ALG1L2: variants seen among roughly 807,000 people sequenced by gnomAD.
ALG1L2 encodes the protein putative glycosyltransferase ALG1L2.
In ALG1L2, 32 loss-of-function variants were observed where a neutral mutation model predicts 29.0. The ratio of observed to expected loss-of-function variants is 1.10; its 90% confidence interval spans 0.83 to 1.48. The LOEUF (loss-of-function observed/expected upper bound fraction) is 1.48, where lower values mean the gene tolerates loss of function less well. ALG1L2 is among the 40% of genes most tolerant of loss of function. The pLI is 0.00. For missense variants in ALG1L2, 318 were observed against 274.1 expected (o/e 1.16, Z -1.13); for synonymous variants, 110 against 109.5 (o/e 1.00, Z -0.03).
intron 1 of ALG1L2, among the ~76,000 whole-genome samples, chr3:130,087,981 C>T (rs778219061): frequency 6.6e-6 from 1 of 152,302 alleles, no homozygotes; most frequent in South Asian, 2.1e-4. Context: ...GCCAGCTTAG[C>T]CTTTAGTGTC....
rs758727218 is a variant in ALG1L2, at chr3:130,091,307, C to T, written c.67C>T (p.Pro23Ser). ...GCCGGCATCTTTCTTTAAAGAGGCA[C>T]CTCTGGACCTGCAGCACCGGCTCTT... is the stretch of plus-strand genomic sequence containing the variant. ...DKPASFFKEA[P>S]LDLQHRLFMK... Residue 23 changes from proline (P) to serine (S), a missense_variant, in exon 2 of 8, where the codon CCT (proline) becomes TCT (serine). Pro to Ser is a moderately conservative substitution (Grantham distance 74). Coordinates refer to ENST00000425059, the MANE Select transcript of ALG1L2 (RefSeq NM_001136152.1). 5.8e-5 allele frequency: 92 copies of T among 1,598,926 alleles called. No individual in the cohort carries two copies. Among genetic ancestry groups the T allele is most frequent in the Non-Finnish European group, 7.5e-5 (89 of 1,179,778 alleles).
chr3:130,093,677 G>T (rs1302830494), intron 4 of ALG1L2, among the ~76,000 whole-genome samples: 1 of 152,090 alleles, frequency 6.6e-6, no homozygotes, highest in Admixed American at 6.5e-5. Context: ...ACCCGCCTTG[G>T]CCTCCCAATA....
chr3:130,097,040 C>T (rs552453474), intron 6 of ALG1L2, 135 bp from the exon 7 acceptor site: 2 of 1,462,210 alleles, frequency 1.4e-6, no homozygotes, highest in Non-Finnish European at 1.8e-6. Flanking sequence ...CTAAGAACCA[C>T]CTCCCAGAAG....
rs1301405988 is a variant in ALG1L2 at position 130,097,236 on chromosome 3, G to A, written c.601G>A (p.Ala201Thr). 1 of 1,610,034 alleles carries A rather than the reference G, an allele frequency of 6.2e-7. No individual in the cohort carries two copies. Among genetic ancestry groups the A allele is most frequent in the Non-Finnish European group, 8.5e-7 (1 of 1,179,834 alleles). Residue 201 changes from alanine to threonine, a missense_variant, in exon 7 of 8, where the codon GCA becomes ACA. Coordinates refer to ENST00000425059, the MANE Select transcript of ALG1L2 (RefSeq NM_001136152.1). Reference sequence around the variant, plus strand: ...GGTCTTTGAGGACTCAGAGGAACTGGCAGCTCAGCTGCAGGTAGCCATGTC... The same window carrying A: ...GGTCTTTGAGGACTCAGAGGAACTGACAGCTCAGCTGCAGGTAGCCATGTC... The part of the protein sequence containing the change: ...RLVFEDSEEL[A>T]AQLQYFADAF...
chr3:130,090,184 C>T (rs145512265), intron 1 of ALG1L2, among the ~76,000 whole-genome samples: 1,368 of 152,274 alleles, frequency 9.0e-3, no homozygotes, highest in African/African-American at 0.031. Flanking sequence ...GGTGAAATCC[C>T]GTCCCTACTA....
At position 130,098,237 on chromosome 3, in the gene ALG1L2, T is replaced by A. The variant is rs1485562831; in HGVS notation, c.630T>A (p.Ala210=). 6.3e-7 allele frequency: 1 copy of A among 1,596,442 alleles called. No individual in the cohort carries two copies. Among genetic ancestry groups the A allele is most frequent in the Non-Finnish European group, 8.5e-7 (1 of 1,179,760 alleles). Residue 210 remains alanine, a synonymous_variant, in exon 8 of 8, where the codon GCT becomes GCA. Transcript: ENST00000425059. ...LAAQLQYFAD[A]FLKLS is the part of the protein sequence containing the mutation. ...CTGCTCTTCAGTATTTTGCAGATGC[T>A]TTTCTCAAACTTTCCTGATCCTGAA...
rs749558373 is a variant in ALG1L2, at chr3:130,093,142, C to T, written c.295C>T (p.Leu99Phe). 5 of 1,610,646 alleles carry T rather than the reference C, an allele frequency of 3.1e-6. No homozygotes were observed. The highest frequency in any genetic ancestry group is 3.3e-5 in the Admixed American group (2 of 59,914). ...TCTTGACGGACAGAACCTTCCTTCT[C>T]TCGTCTGTGTGATAACAGGTACTGC... The part of the protein sequence containing the change: ...LTLDGQNLPS[L>F]VCVITGKGPL... Residue 99 changes from leucine to phenylalanine, a missense_variant, in exon 4 of 8, where the codon CTC becomes TTC. Coordinates refer to ENST00000425059, the MANE Select transcript of ALG1L2 (RefSeq NM_001136152.1).
chr3:130,085,926 A>G (rs1449739622), intron 1 of ALG1L2, among the ~76,000 whole-genome samples: 1 of 151,480 alleles, frequency 6.6e-6, no homozygotes, highest in African/African-American at 2.4e-5. Flanking sequence ...GGGAACAAAG[A>G]TGAGGGAGTG....
chr3:130,094,492 C>T lies in ALG1L2; in HGVS notation c.403C>T (p.Arg135Ter), dbSNP rs757397608. The T allele has an allele frequency of 1.2e-5, 19 of 1,594,598 alleles. No homozygotes were observed. The highest frequency in any genetic ancestry group is 1.0e-4 in the Admixed American group (6 of 59,862). ...GGTCTGCATCCCCTGGCTGGAGGGC[C>T]GAGGACTACCCCCGCTTCTAGGTGA... ...IQVCIPWLEG[R>*]GLPPLLGSVD... is the part of the protein sequence containing the mutation. Residue 135 changes from arginine (R) to a stop codon, truncating the protein, a stop_gained, in exon 5 of 8, where the codon CGA becomes TGA. Coordinates refer to ENST00000425059, the MANE Select transcript of ALG1L2 (RefSeq NM_001136152.1). LOFTEE classifies it high-confidence loss of function.
intron 5 of ALG1L2, 71 bp from the exon 6 acceptor site, chr3:130,095,978 C>A: frequency 1.3e-6 from 2 of 1,483,168 alleles, no homozygotes; most frequent in South Asian, 1.2e-5. Flanking sequence ...GGTGTTGCCT[C>A]ACTGTGCTGG....
At chr3:130,086,568 T>G (rs79188189) in intron 1 of ALG1L2, among the ~76,000 whole-genome samples, 2 of 147,620 alleles carry the variant, frequency 1.4e-5, no homozygotes, top group Non-Finnish European at 3.0e-5. Context: ...TCCCAGCTAC[T>G]CAGGAGGCTA....
Position 130,082,007 on chromosome 3 carries a change from C to T in ALG1L2, c.-10C>T, listed in dbSNP as rs1934795259. On this transcript the variant is annotated 5_prime_UTR_variant, in exon 1 of 8. Transcript: ENST00000425059. ...CTTGCTAAGAAGTCTGAATTTTAAC[C>T]TGAAGGGACATGGGAGCTACTGCAG... The T allele has an allele frequency of 6.7e-7, 1 of 1,501,754 alleles. No individual in the cohort carries two copies. Among genetic ancestry groups the T allele is most frequent in the African/African-American group, 1.4e-5 (1 of 72,762 alleles). 93.0% of individuals were successfully genotyped at this position (1,501,754 alleles called of 1,614,324 possible).
chr3:130,093,777 C>T (rs1935069545), intron 4 of ALG1L2: 1 of 155,584 alleles, frequency 6.4e-6, no homozygotes, highest in African/African-American at 2.4e-5. Context: ...AGAAGAGCCC[C>T]TGTCCCAGTT....
At chr3:130,082,934 G>A (rs1442775257) in intron 1 of ALG1L2, among the ~76,000 whole-genome samples, 4 of 139,616 alleles carry the variant, frequency 2.9e-5, no homozygotes, top group Non-Finnish European at 4.9e-5. Context: ...CAAGTCAATG[G>A]CATTCTAAGA....
chr3:130,096,104 C>A lies in ALG1L2; in HGVS notation c.480C>A (p.Pro160=), dbSNP rs750069609. 1 of 1,611,890 alleles carries A rather than the reference C, an allele frequency of 6.2e-7. No homozygotes were observed. Among genetic ancestry groups the A allele is most frequent in the Non-Finnish European group, 8.5e-7 (1 of 1,179,834 alleles). The change falls in exon 6 of 8, where the codon CCC becomes CCA. Residue 160 remains proline (P), a synonymous_variant. Transcript: ENST00000425059. ...CGTCCTCCAGTGGCCTGGACCTGCC[C>A]ATGAAGGTGGTGGACATGTTCAGGT... ...LDTSSSGLDL[P]MKVVDMFRCC... is the part of the protein sequence containing the mutation.
chr3:130,091,327 G>A lies in ALG1L2; in HGVS notation c.87G>A (p.Arg29=), dbSNP rs141664518. 3.0e-3 allele frequency: 4,774 copies of A among 1,597,980 alleles called. 109 individuals carry two copies. The African/African-American group carries it at 0.055, about 18-fold the overall frequency. The change falls in exon 2 of 8, where the codon CGG becomes CGA. Residue 29 remains arginine, a synonymous_variant. Transcript: ENST00000425059. The part of the protein sequence containing the change: ...FKEAPLDLQH[R]LFMKLGSTHS... Reference sequence around the variant, plus strand: ...AGGCACCTCTGGACCTGCAGCACCGGCTCTTCATGAAGCTGGGCAGCACGC... The same window carrying A: ...AGGCACCTCTGGACCTGCAGCACCGACTCTTCATGAAGCTGGGCAGCACGC...
chr3:130,093,489 C>T (rs934158155), intron 4 of ALG1L2, among the ~76,000 whole-genome samples: 10 of 147,666 alleles, frequency 6.8e-5, no homozygotes, highest in African/African-American at 2.3e-4. Context: ...TGCAGTGGTG[C>T]GATCTCAGCT....
At position 130,096,138 on chromosome 3, in the gene ALG1L2, C is replaced by T. The variant is rs1235442492; in HGVS notation, c.514C>T (p.Pro172Ser). Residue 172 changes from proline to serine, a missense_variant, in exon 6 of 8, where the codon CCT (proline) becomes TCT (serine). Transcript: ENST00000425059. ...KVVDMFRCCLPACAVNFKCLH... is the reference protein window; with the variant it reads ...KVVDMFRCCLSACAVNFKCLH... ...GGTGGACATGTTCAGGTGCTGTTTGCCTGCGTGTGCCGTGAACTTCAAGTG... is the reference window on the plus strand; with the variant it reads ...GGTGGACATGTTCAGGTGCTGTTTGTCTGCGTGTGCCGTGAACTTCAAGTG... 1.9e-6 allele frequency: 3 copies of T among 1,611,918 alleles called. No individual in the cohort carries two copies. The highest frequency in any genetic ancestry group is 2.3e-4 in the Middle Eastern group (1 of 4,430).
rs1400422679 is a variant in ALG1L2 at position 130,083,343 on chromosome 3, C to A, written c.20+1307C>A. Among the ~76,000 whole-genome samples, 3 of 129,566 alleles carry A rather than the reference C, an allele frequency of 2.3e-5. 1 individual carries two copies. The highest frequency in any genetic ancestry group is 5.3e-5 in the Non-Finnish European group (3 of 56,126). 85.0% of individuals were successfully genotyped at this position (129,566 alleles called of 152,430 possible). Reference sequence around the variant, plus strand: ...CCTGTAATCCCAGCTACTCAGGAGGCTAAGGCAGGAGAATGGTCTGAACCC... The same window carrying A: ...CCTGTAATCCCAGCTACTCAGGAGGATAAGGCAGGAGAATGGTCTGAACCC... On this transcript the variant is annotated intron_variant, in intron 1 of 7. Coordinates refer to ENST00000425059, the MANE Select transcript of ALG1L2 (RefSeq NM_001136152.1).
Sources: allele counts gnomAD v4.1 joint callset (sites outside exome capture counted in the v4.1 genomes callset), GRCh38; gene constraint gnomAD v4.1.1; transcripts MANE v1.5; gene names NCBI Gene and HGNC (gene_info 2026-07-23, HGNC 2026-07-21).